ERG: variants seen among roughly 807,000 people sequenced by gnomAD.
The protein encoded by ERG is transcriptional regulator ERG.
Under a neutral mutation model 55.3 loss-of-function variants are expected in ERG, and 9 were observed. The ratio of observed to expected loss-of-function variants is 0.16; its 90% confidence interval spans 0.10 to 0.28. The LOEUF (loss-of-function observed/expected upper bound fraction) is 0.28, where lower values mean the gene tolerates loss of function less well. ERG is among the 10% of genes least tolerant of loss of function. ERG has a pLI of 1.00. For missense variants in ERG, 434 were observed against 631.6 expected (o/e 0.69, Z 3.35); for synonymous variants, 223 against 237.3 (o/e 0.94, Z 0.55).
At chr21:38,656,787 T>C (rs1423733516) in intron 1 of ERG, among the ~76,000 whole-genome samples, 3 of 152,226 alleles carry the variant, frequency 2.0e-5, no homozygotes. Context: ...TGTGGGAACT[T>C]TTGCTGAATG....
At chr21:38,454,368 C>A (rs773597644) in intron 1 of ERG, among the ~76,000 whole-genome samples, 3 of 152,172 alleles carry the variant, frequency 2.0e-5, no homozygotes, top group African/African-American at 4.8e-5. Context: ...AATCCTTTAA[C>A]CCTTTCCTGC....
In ERG at chr21:38,400,669, CAT is replaced by C. The variant is rs769647318; in HGVS notation, c.674-26_674-25del. 11 of 1,568,404 alleles carry C rather than the reference CAT, an allele frequency of 7.0e-6. No homozygotes were observed. In the Admixed American group the frequency reaches 1.2e-4, roughly 17 times the overall value. On this transcript the variant is annotated intron_variant, in intron 5 of 9. Coordinates refer to ENST00000288319, the MANE Select transcript of ERG (RefSeq NM_182918.4). ...CCCTGCAGACAAAAGGAAAGACAAA[CAT>C]GTGAAGGTCTTTTGTTGTGGTTGTC...
chr21:38,426,992 C>T (rs891839331), intron 2 of ERG, among the ~76,000 whole-genome samples: 51 of 152,276 alleles, frequency 3.3e-4, no homozygotes, highest in Non-Finnish European at 5.4e-4. Context: ...CAGACCAACC[C>T]CTTTTTCATT....
chr21:38,538,939 C>T (rs1470902811), intron 2 of ERG, among the ~76,000 whole-genome samples: 1 of 152,024 alleles, frequency 6.6e-6, no homozygotes, highest in African/African-American at 2.4e-5. Context: ...CAGGGCCTGT[C>T]CAAGACAACT....
chr21:38,459,013 C>T (rs1202806666), intron 1 of ERG, among the ~76,000 whole-genome samples: 1 of 152,148 alleles, frequency 6.6e-6, no homozygotes, highest in African/African-American at 2.4e-5. Context: ...GCTATTCCTC[C>T]TATTTGGTTG....
chr21:38,569,537 C>G (rs946514920), intron 2 of ERG, among the ~76,000 whole-genome samples: 10 of 152,228 alleles, frequency 6.6e-5, no homozygotes, highest in African/African-American at 2.4e-4. Context: ...CTAATTTTTC[C>G]TCTCTCTTCT....
At chr21:38,655,222 A>G (rs950677199) in intron 1 of ERG, among the ~76,000 whole-genome samples, 1 of 151,878 alleles carries the variant, frequency 6.6e-6, no homozygotes, top group African/African-American at 2.4e-5. Context: ...TGCCACAGTC[A>G]CCCCCTCTTC....
At chr21:38,581,165 G>C (rs1371266626) in intron 1 of ERG, among the ~76,000 whole-genome samples, 1 of 152,166 alleles carries the variant, frequency 6.6e-6, no homozygotes, top group African/African-American at 2.4e-5. Context: ...CCTGGAATGG[G>C]GATGGGTTCA....
At chr21:38,447,781 C>A (rs763938361) in intron 1 of ERG, among the ~76,000 whole-genome samples, 1 of 151,986 alleles carries the variant, frequency 6.6e-6, no homozygotes, top group Non-Finnish European at 1.5e-5. Flanking sequence ...ATGGCTGCTG[C>A]CTCTCTCCTT....
chr21:38,371,366 T>G, the ERG span, among the ~76,000 whole-genome samples: 73 of 152,150 alleles, frequency 4.8e-4, no homozygotes, highest in Non-Finnish European at 8.5e-4. Flanking sequence ...ATTCCAATAC[T>G]TACCATTTTT....
At chr21:38,496,464 T>TA (rs1297499719) in intron 1 of ERG, among the ~76,000 whole-genome samples, 3 of 152,102 alleles carry the variant, frequency 2.0e-5, no homozygotes, top group Non-Finnish European at 4.4e-5. Context: ...AACAAGGCTG[T>TA]AAAATCATCT....
chr21:38,458,702 G>A (rs1232479680), intron 1 of ERG, among the ~76,000 whole-genome samples: 2 of 152,196 alleles, frequency 1.3e-5, no homozygotes, highest in Non-Finnish European at 2.9e-5. Context: ...AGAGTCGTGT[G>A]TTGGTCTGGG....
the ERG span, among the ~76,000 whole-genome samples, chr21:38,370,741 G>C: frequency 6.6e-6 from 1 of 152,086 alleles, no homozygotes; most frequent in East Asian, 1.9e-4. Flanking sequence ...ATATCTGTTA[G>C]ATTAGTTTAT....
chr21:38,576,155 G>C (rs77197192), intron 1 of ERG, among the ~76,000 whole-genome samples: 7 of 152,186 alleles, frequency 4.6e-5, no homozygotes, highest in Non-Finnish European at 8.8e-5. Context: ...AAACTCATGC[G>C]ATCTGCACAT....
chr21:38,567,730 C>T (rs1039756361), intron 2 of ERG, among the ~76,000 whole-genome samples: 8 of 152,336 alleles, frequency 5.3e-5, no homozygotes, highest in South Asian at 2.1e-4. Flanking sequence ...GGGGCTCCAT[C>T]GTGAAATCCA....
rs191743057 is a variant in ERG, at chr21:38,564,239, T to C, written c.-41+11423A>G. 5.1e-3 allele frequency among the ~76,000 whole-genome samples: 777 copies of C among 152,222 alleles called. 9 individuals are homozygous for C. Among genetic ancestry groups the C allele is most frequent in the African/African-American group, 0.018 (750 of 41,520 alleles). On this transcript the variant is annotated intron_variant, in intron 2 of 8. Transcript: ENST00000398897. ...TTACGATAAGATGTACTTTCTTTTA[T>C]ATCTATTAAACAAGCTATACAGAAT...
intron 1 of ERG, among the ~76,000 whole-genome samples, chr21:38,659,400 A>C (rs1218666675): frequency 1.3e-5 from 2 of 152,264 alleles, no homozygotes; most frequent in African/African-American, 4.8e-5. Flanking sequence ...CTGTGGATGA[A>C]GGCTATGAGC....
intron 1 of ERG, among the ~76,000 whole-genome samples, chr21:38,622,958 A>AG (rs145113075): frequency 1 from 142,592 of 143,202 alleles, 70,991 homozygotes; most frequent in Admixed American, 1. Flanking sequence ...CACACACATC[A>AG]GCACACACAC....
intron 1 of ERG, among the ~76,000 whole-genome samples, chr21:38,596,615 A>T (rs979211979): frequency 6.6e-6 from 1 of 152,190 alleles, no homozygotes. Flanking sequence ...CAGAAATTCA[A>T]CTACACAGGT....
Sources: allele counts gnomAD v4.1 joint callset (sites outside exome capture counted in the v4.1 genomes callset), GRCh38; gene constraint gnomAD v4.1.1; transcripts MANE v1.5; gene names NCBI Gene and HGNC (gene_info 2026-07-23, HGNC 2026-07-21).